Variants in SIPA1L1 observed in about 807,000 individuals in gnomAD.
SIPA1L1 encodes the protein signal induced proliferation associated 1 like 1.
Under a neutral mutation model 162.7 loss-of-function variants are expected in SIPA1L1, and 26 were observed. The observed-to-expected ratio is 0.16, with a 90% CI of 0.12 to 0.22. The LOEUF (loss-of-function observed/expected upper bound fraction) is 0.22. Ranked by LOEUF, SIPA1L1 falls within the 10% of genes least tolerant of loss-of-function variation. SIPA1L1 has a pLI of 1.00. For missense variants in SIPA1L1, 1,874 were observed against 2,241.0 expected, an observed-to-expected ratio of 0.84 and a Z score of 3.31; for synonymous variants, 829 against 837.4, an observed-to-expected ratio of 0.99 and a Z score of 0.17.
In SIPA1L1 at chr14:71,739,178, C is replaced by T. The variant is rs2085594224; in HGVS notation, c.*17C>T. The T allele has an allele frequency of 6.2e-7, 1 of 1,606,282 alleles. No homozygotes were observed. Among genetic ancestry groups the T allele is most frequent in the Non-Finnish European group, 8.5e-7 (1 of 1,175,454 alleles). On this transcript the variant is annotated 3_prime_UTR_variant, in exon 24 of 24. Coordinates refer to ENST00000381232, the MANE Select transcript of SIPA1L1 (RefSeq NM_001386936.1). ...ATGAGCTAGGGAAGGCTGAGGAGGACAGGAGAAGGGCCCAGACACTCCCTC... is the reference window on the plus strand; with the variant it reads ...ATGAGCTAGGGAAGGCTGAGGAGGATAGGAGAAGGGCCCAGACACTCCCTC...
At chr14:71,458,734 C>T (rs766102227) in intron 2 of SIPA1L1, among the ~76,000 whole-genome samples, 30 of 152,150 alleles carry the variant, frequency 2.0e-4, no homozygotes, top group Admixed American at 4.6e-4. Context: ...ACATTTCTCC[C>T]TTGACATTGC....
intron 7 of SIPA1L1, among the ~76,000 whole-genome samples, chr14:71,634,966 CAGAA>C (rs1440496798): frequency 2.1e-5 from 3 of 146,214 alleles, no homozygotes; most frequent in Non-Finnish European, 4.5e-5. Context: ...GTTATCTAAA[CAGAA>C]AGGAAGTGAT....
chr14:71,345,712 C>T (rs1054452168), intron 2 of SIPA1L1, among the ~76,000 whole-genome samples: 11 of 151,210 alleles, frequency 7.3e-5, no homozygotes, highest in South Asian at 6.3e-4. Flanking sequence ...GGACTACAGG[C>T]GCCCGCCATC....
At chr14:71,547,327 CG>C (rs2055322467) in intron 4 of SIPA1L1, among the ~76,000 whole-genome samples, 7 of 126,702 alleles carry the variant, frequency 5.5e-5, no homozygotes, top group Non-Finnish European at 1.1e-4. Flanking sequence ...GATGGAGTCT[CG>C]CTCTGTCGAG....
chr14:71,552,395 C>CA (rs1567195845), intron 4 of SIPA1L1, among the ~76,000 whole-genome samples: 5 of 142,104 alleles, frequency 3.5e-5, no homozygotes, highest in Non-Finnish European at 1.5e-5. Flanking sequence ...TACCCTATTT[C>CA]TTTTTTTTTT....
At chr14:71,334,902 T>C (rs2140326894) in intron 2 of SIPA1L1, among the ~76,000 whole-genome samples, 1 of 152,358 alleles carries the variant, frequency 6.6e-6, no homozygotes, top group African/African-American at 2.4e-5. Context: ...CAGTGTCATT[T>C]TGAATTTATT....
At chr14:71,420,034 A>G (rs948326374) in intron 2 of SIPA1L1, among the ~76,000 whole-genome samples, 1 of 152,146 alleles carries the variant, frequency 6.6e-6, no homozygotes, top group African/African-American at 2.4e-5. Flanking sequence ...AAAACAAAAC[A>G]AAAACCTTAA....
intron 2 of SIPA1L1, among the ~76,000 whole-genome samples, chr14:71,469,825 C>G (rs1421876107): frequency 6.6e-6 from 1 of 152,148 alleles, no homozygotes; most frequent in Non-Finnish European, 1.5e-5. Context: ...CCAATAAAAA[C>G]AAACATGAGG....
intron 2 of SIPA1L1, among the ~76,000 whole-genome samples, chr14:71,464,220 C>G (rs1416489221): frequency 2.0e-5 from 3 of 152,190 alleles, no homozygotes; most frequent in Non-Finnish European, 4.4e-5. Context: ...ATCCCTTCCT[C>G]TACATCAAAC....
intron 21 of SIPA1L1, 135 bp downstream of exon 21, chr14:71,733,947 G>A: frequency 1.1e-6 from 1 of 922,184 alleles, no homozygotes; most frequent in Non-Finnish European, 1.6e-6. Flanking sequence ...TGAGCATTCA[G>A]TAGGGACCAG....
chr14:71,534,814 T>C (rs1323887028), intron 4 of SIPA1L1, among the ~76,000 whole-genome samples: 1 of 152,244 alleles, frequency 6.6e-6, no homozygotes, highest in Admixed American at 6.5e-5. Flanking sequence ...CTGTTCTGCA[T>C]GTGTATAGAG....
chr14:71,362,252 C>T (rs1396666538), intron 2 of SIPA1L1, among the ~76,000 whole-genome samples: 4 of 152,102 alleles, frequency 2.6e-5, no homozygotes, highest in African/African-American at 7.2e-5. Flanking sequence ...TGATTTAGCT[C>T]GTACTATTTA....
chr14:71,393,607 A>G (rs561152852), intron 2 of SIPA1L1, among the ~76,000 whole-genome samples: 13 of 152,302 alleles, frequency 8.5e-5, no homozygotes, highest in African/African-American at 3.1e-4. Flanking sequence ...AAGACGTTCA[A>G]GACCAGCTTG....
At chr14:71,687,117 A>T (rs914220497) in intron 13 of SIPA1L1, among the ~76,000 whole-genome samples, 1 of 152,264 alleles carries the variant, frequency 6.6e-6, no homozygotes, top group Admixed American at 6.5e-5. Context: ...AAAAACAGAC[A>T]AACAATTTAA....
At position 71,407,418 on chromosome 14, in the gene SIPA1L1, C is replaced by A. The variant is rs953500400; in HGVS notation, c.-465+86237C>A. 5.6e-5 allele frequency among the ~76,000 whole-genome samples: 8 copies of A among 143,314 alleles called. No homozygotes were observed. The East Asian group carries it at 8.1e-4, about 15-fold the overall frequency. The allele number at this position is 143,314 out of a possible 152,430, so 94.0% of individuals were successfully genotyped here. A position where few individuals can be genotyped will look rare whatever the true frequency, so the allele number is the denominator to read the frequency against. On this transcript the variant is annotated intron_variant, in intron 2 of 23. Coordinates refer to ENST00000381232, the MANE Select transcript of SIPA1L1 (RefSeq NM_001386936.1). Reference sequence around the variant, plus strand: ...TCTTTTCTTTCTTTCTCTTTCCCTTCCTTCCTTCCTTCCTTCCTTCCCCTC... The same window carrying A: ...TCTTTTCTTTCTTTCTCTTTCCCTTACTTCCTTCCTTCCTTCCTTCCCCTC...
chr14:71,701,660 T>C (rs1483911914), intron 14 of SIPA1L1, among the ~76,000 whole-genome samples: 2 of 152,226 alleles, frequency 1.3e-5, no homozygotes, highest in Non-Finnish European at 2.9e-5. Flanking sequence ...TTGATATTGC[T>C]AGTCAAGGCA....
At chr14:71,347,082 G>A (rs1300864525) in intron 2 of SIPA1L1, among the ~76,000 whole-genome samples, 3 of 150,830 alleles carry the variant, frequency 2.0e-5, no homozygotes, top group Non-Finnish European at 4.4e-5. Context: ...CCCCCGAGTA[G>A]TTGGGATTAC....
chr14:71,543,960 TATGTATATATACACACACGCAC>T (rs1250607904), intron 4 of SIPA1L1, among the ~76,000 whole-genome samples: 14 of 149,708 alleles, frequency 9.4e-5, no homozygotes, highest in South Asian at 2.1e-4. Flanking sequence ...TACGCACATG[TATGTATATATACACACACGCAC>T]ATGTATATAT....
intron 2 of SIPA1L1, among the ~76,000 whole-genome samples, chr14:71,500,160 T>G (rs1186602837): frequency 6.6e-6 from 1 of 152,128 alleles, no homozygotes; most frequent in African/African-American, 2.4e-5. Flanking sequence ...AATTAAGAAT[T>G]TCTCTTCAAC....
Sources: gnomAD v4.1 joint callset for allele counts (sites outside exome capture counted in the v4.1 genomes callset) on GRCh38, gnomAD v4.1.1 for gene constraint, MANE v1.5 for transcripts, NCBI Gene and HGNC (gene_info 2026-07-23, HGNC 2026-07-21) for gene names.